The following SVEP1 variants were observed in gnomAD, a reference collection of about 807,000 sequenced individuals.
SVEP1 encodes sushi, von Willebrand factor type A, EGF and pentraxin domain-containing protein 1.
In SVEP1, 164 loss-of-function variants were observed where a neutral mutation model predicts 367.3. The observed-to-expected ratio is 0.45, with a 90% CI of 0.39 to 0.51. The LOEUF is 0.51. SVEP1 is among the 20% of genes least tolerant of loss of function. SVEP1 has a pLI of 0.00. For missense variants in SVEP1, 4,117 were observed against 4,425.3 expected (o/e 0.93, Z 1.98); for synonymous variants, 1,666 against 1,611.6 (o/e 1.03, Z -0.81).
intron 42 of SVEP1, among the ~76,000 whole-genome samples, chr9:110,386,829 C>T (rs1827531429): frequency 6.6e-6 from 1 of 152,254 alleles, no homozygotes; most frequent in African/African-American, 2.4e-5. Flanking sequence ...GCAGTCTCAA[C>T]TTCTACGTTG....
chr9:110,543,053 T>G (rs984708251), intron 3 of SVEP1, among the ~76,000 whole-genome samples: 5 of 151,480 alleles, frequency 3.3e-5, no homozygotes, highest in African/African-American at 9.7e-5. Context: ...GACTTAGAGC[T>G]AAGATTTCTT....
chr9:110,551,160 C>T (rs537266359), intron 1 of SVEP1, among the ~76,000 whole-genome samples: 1 of 152,208 alleles, frequency 6.6e-6, no homozygotes, highest in East Asian at 1.9e-4. Flanking sequence ...CAACTGCATC[C>T]TATGTTGTGT....
Position 110,570,126 on chromosome 9 carries a change from G to A in SVEP1, c.531+8887C>T, listed in dbSNP as rs369062545. Among the ~76,000 whole-genome samples, 102 of 152,228 alleles carry A rather than the reference G, an allele frequency of 6.7e-4. 1 individual carries two copies. The highest frequency in any genetic ancestry group is 2.3e-3 in the African/African-American group (96 of 41,540). On this transcript the variant is annotated intron_variant, in intron 1 of 47. Coordinates refer to ENST00000374469, the MANE Select transcript of SVEP1 (RefSeq NM_153366.4). The stretch of plus-strand genomic sequence containing the variant: ...CCAGAGCAGGTTACTGTATGGAAGC[G>A]GACTCTGACTCTATGCCGGCAATCC...
Position 110,579,666 on chromosome 9 carries a change from C to T in SVEP1, c.-123G>A. The T allele has an allele frequency of 3.3e-6, 4 of 1,204,762 alleles. 1 individual carries two copies. The highest frequency in any genetic ancestry group is 4.4e-6 in the Non-Finnish European group (4 of 910,826). 74.6% of individuals were successfully genotyped at this position (1,204,762 alleles called of 1,614,324 possible). A position where few individuals can be genotyped will look rare whatever the true frequency, so the allele number is the denominator to read the frequency against. The stretch of plus-strand genomic sequence containing the variant: ...TGGGCGCGGGGCAGCGGCCAAGAGC[C>T]TCAGCGCCCTTTCATCTGACACTGG... On this transcript the variant is annotated 5_prime_UTR_variant, in exon 1 of 48. Transcript: ENST00000374469. This position sits in a 1 kb window ranked among gnomAD's most constrained non-coding sequence, Gnocchi z 5.3.
intron 30 of SVEP1, among the ~76,000 whole-genome samples, chr9:110,434,009 A>G (rs577465696): frequency 1.3e-5 from 2 of 152,278 alleles, no homozygotes; most frequent in South Asian, 2.1e-4. Context: ...GAATGAATGA[A>G]TGCACTCGAC....
At chr9:110,404,074 T>C (rs1013318889) in intron 39 of SVEP1, among the ~76,000 whole-genome samples, 5 of 152,148 alleles carry the variant, frequency 3.3e-5, no homozygotes, top group African/African-American at 1.2e-4. Flanking sequence ...TTGTGGTTAA[T>C]TTGTTATAAA....
Position 110,411,663 on chromosome 9 carries a change from G to A in SVEP1, c.6048C>T (p.Cys2016=). Residue 2016 remains cysteine (C), a synonymous_variant, in exon 37 of 48, where the codon TGC becomes TGT. Transcript: ENST00000374469. Reference sequence around the variant, plus strand: ...GTGGCTCATCACAGGAGACAGCCAGGCACTGCTGGTCACTTCTACTCCACT... The same window carrying A: ...GTGGCTCATCACAGGAGACAGCCAGACACTGCTGGTCACTTCTACTCCACT... The part of the protein sequence containing the change: ...DGKWSRSDQQ[C]LAVSCDEPPI... 1.2e-6 allele frequency: 2 copies of A among 1,607,390 alleles called. No homozygotes were observed. Among genetic ancestry groups the A allele is most frequent in the Non-Finnish European group, 1.7e-6 (2 of 1,176,864 alleles).
intron 1 of SVEP1, among the ~76,000 whole-genome samples, chr9:110,559,068 A>C (rs180683075): frequency 9.2e-5 from 14 of 152,244 alleles, no homozygotes; most frequent in African/African-American, 1.2e-4. Context: ...TAGATTATCT[A>C]TCTCAAAACA....
In SVEP1 at chr9:110,365,823, G is replaced by A. The variant is rs1298023743; in HGVS notation, c.*716C>T. Reference sequence around the variant, plus strand: ...CATTTCTTATTCCAGCCACGAGAAAGAAGGCTAGCACTTTCATTGTGAACC... The same window carrying A: ...CATTTCTTATTCCAGCCACGAGAAAAAAGGCTAGCACTTTCATTGTGAACC... On this transcript the variant is annotated 3_prime_UTR_variant, in exon 48 of 48. Transcript: ENST00000374469. 6.6e-6 allele frequency: 1 copy of A among 152,208 alleles called. No homozygotes were observed. The highest frequency in any genetic ancestry group is 1.5e-5 in the Non-Finnish European group (1 of 68,058). The allele number at this position is 152,208 out of a possible 1,614,324, so 9.4% of individuals were successfully genotyped here.
In SVEP1 at chr9:110,428,429, C is replaced by CACAAACACACACACAA. The variant is rs60798857; in HGVS notation, c.5808-672_5808-671insTTGTGTGTGTGTTTGT. On this transcript the variant is annotated intron_variant, in intron 35 of 47. Coordinates refer to ENST00000374469, the MANE Select transcript of SVEP1 (RefSeq NM_153366.4). Reference sequence around the variant, plus strand: ...ACACACACACACACACACACACACACCATTAATCTCCTACAGTGTTAAGAA... The same window carrying CACAAACACACACACAA: ...ACACACACACACACACACACACACACACAAACACACACACAACATTAATCTCCTACAGTGTTAAGAA... Among the ~76,000 whole-genome samples the CACAAACACACACACAA allele has an allele frequency of 1.6e-3, 236 of 151,222 alleles. 2 individuals are homozygous for CACAAACACACACACAA. The highest frequency in any genetic ancestry group is 5.4e-3 in the African/African-American group (223 of 41,168).
Position 110,434,400 on chromosome 9 carries a change from G to T in SVEP1, c.4995C>A (p.Val1665=). Residue 1665 remains valine (V), a synonymous_variant, in exon 30 of 48, where the codon GTC becomes GTA. Coordinates refer to ENST00000374469, the MANE Select transcript of SVEP1 (RefSeq NM_153366.4). The stretch of plus-strand genomic sequence containing the variant: ...TCAGACAGTACTGCACAGGGTTCCC[G>T]ACCAGCTGGAAGCCTGGATCACAGA... ...NLFCDPGFQL[V]GNPVQYCLNQ... 6.2e-7 allele frequency: 1 copy of T among 1,613,248 alleles called. No homozygotes were observed.
intron 42 of SVEP1, 150 bp from the exon 43 acceptor site, chr9:110,386,224 G>T: frequency 2.6e-6 from 2 of 766,704 alleles, no homozygotes; most frequent in Non-Finnish European, 3.8e-6. Flanking sequence ...ATTAGACACA[G>T]ACTTGTTTTG....
chr9:110,412,357 C>CT (rs1362067398), intron 36 of SVEP1, among the ~76,000 whole-genome samples: 1 of 152,146 alleles, frequency 6.6e-6, no homozygotes, highest in Non-Finnish European at 1.5e-5. Context: ...TCTCCTAAGC[C>CT]TTTACCCCAT....
Position 110,512,911 on chromosome 9 carries a change from T to G in SVEP1, c.1303+15A>C. The G allele has an allele frequency of 6.2e-7, 1 of 1,613,830 alleles. No individual in the cohort carries two copies. The highest frequency in any genetic ancestry group is 8.5e-7 in the Non-Finnish European group (1 of 1,179,736). On this transcript the variant is annotated intron_variant, in intron 5 of 47. Coordinates refer to ENST00000374469, the MANE Select transcript of SVEP1 (RefSeq NM_153366.4). ...AAGACAGTAAATAAACAATGTAAATTGGCAGTTTGCATACCTCTGCAGTAG... is the reference window on the plus strand; with the variant it reads ...AAGACAGTAAATAAACAATGTAAATGGGCAGTTTGCATACCTCTGCAGTAG...
chr9:110,488,267 A>C (rs1014447430), intron 9 of SVEP1, among the ~76,000 whole-genome samples: 1 of 152,106 alleles, frequency 6.6e-6, no homozygotes, highest in African/African-American at 2.4e-5. Flanking sequence ...TAATATGGGG[A>C]AAGTCCAGGA....
intron 40 of SVEP1, among the ~76,000 whole-genome samples, chr9:110,400,501 G>C (rs1827841184): frequency 6.6e-6 from 1 of 151,982 alleles, no homozygotes; most frequent in South Asian, 2.1e-4. Flanking sequence ...CAAGTAGCTG[G>C]AATTACAGGT....
In SVEP1 at chr9:110,408,049, T is replaced by G; in HGVS notation, c.7551A>C (p.Gly2517=). The change falls in exon 38 of 48, where the codon GGA becomes GGC. Residue 2517 remains glycine (G), a synonymous_variant. Transcript: ENST00000374469. ...GGTTGCAAGAGTAGGTAACGGTCTG[T>G]CCATAGTGTAGGTCCGTGTAAGAGA... is the stretch of plus-strand genomic sequence containing the variant. The part of the protein sequence containing the change: ...GKFSYTDLHY[G]QTVTYSCNRG... 2 of 1,613,992 alleles carry G rather than the reference T, an allele frequency of 1.2e-6. No homozygotes were observed. Among genetic ancestry groups the G allele is most frequent in the Non-Finnish European group, 1.7e-6 (2 of 1,179,878 alleles).
intron 26 of SVEP1, among the ~76,000 whole-genome samples, chr9:110,445,317 T>C (rs1172328804): frequency 1.3e-5 from 2 of 152,020 alleles, no homozygotes; most frequent in Admixed American, 6.6e-5. Flanking sequence ...GGCCCTGGAG[T>C]TGGAATTAGT....
In SVEP1 at chr9:110,400,612, C is replaced by G. The variant is rs544553118; in HGVS notation, c.9822+242G>C. 9.2e-5 allele frequency among the ~76,000 whole-genome samples: 14 copies of G among 152,246 alleles called. No homozygotes were observed. The South Asian group carries it at 2.7e-3, about 29-fold the overall frequency. ...GAACTTCTGACCTCAAGTGATCTGC[C>G]CACCTCGGCCTCCCAAAGTGCTCGG... On this transcript the variant is annotated intron_variant, in intron 40 of 47. Coordinates refer to ENST00000374469, the MANE Select transcript of SVEP1 (RefSeq NM_153366.4).
Sources: gnomAD v4.1 joint callset for allele counts (sites outside exome capture counted in the v4.1 genomes callset) on GRCh38, gnomAD v4.1.1 for gene constraint, Gnocchi (gnomAD v3.1) non-coding constraint, MANE v1.5 for transcripts, NCBI Gene and HGNC (gene_info 2026-07-23, HGNC 2026-07-21) for gene names.